Variants in ARHGAP24 observed in about 807,000 individuals in gnomAD.
The protein encoded by ARHGAP24 is Rho GTPase activating protein 24.
A neutral mutation model predicts 76.4 loss-of-function variants in ARHGAP24; 50 were observed. That is an observed-to-expected ratio of 0.65 (90% CI 0.52 to 0.83). ARHGAP24 has a LOEUF of 0.83. ARHGAP24 is among the 40% of genes least tolerant of loss of function. The probability of loss-of-function intolerance (pLI) is 0.00; values close to 1 mark genes in which losing one functional copy is unlikely to be tolerated. For missense variants in ARHGAP24, 930 were observed against 914.2 expected, an observed-to-expected ratio of 1.02 and a Z score of -0.22; for synonymous variants, 345 against 323.3, an observed-to-expected ratio of 1.07 and a Z score of -0.72.
intron 2 of ARHGAP24, among the ~76,000 whole-genome samples, chr4:85,622,948 GT>G (rs1369668482): frequency 2.6e-5 from 4 of 151,832 alleles, no homozygotes; most frequent in East Asian, 3.9e-4. Flanking sequence ...GGGGTTGTTT[GT>G]TTTTTTCTTG....
chr4:85,883,107 GGGA>G (rs886432626), intron 3 of ARHGAP24, among the ~76,000 whole-genome samples: 1 of 152,110 alleles, frequency 6.6e-6, no homozygotes, highest in Non-Finnish European at 1.5e-5. Context: ...AAACAAGGCA[GGGA>G]GGAGAACTGT....
intron 2 of ARHGAP24, among the ~76,000 whole-genome samples, chr4:85,626,812 T>C (rs4693726): frequency 0.33 from 49,985 of 151,954 alleles, 9,269 homozygotes; most frequent in East Asian, 0.84. Flanking sequence ...TCTTCTCACT[T>C]CATTTCATTC....
intron 3 of ARHGAP24, among the ~76,000 whole-genome samples, chr4:85,849,355 G>A (rs1409545911): frequency 7.2e-5 from 11 of 151,848 alleles, no homozygotes; most frequent in Admixed American, 1.3e-4. Flanking sequence ...GGGCTGAGAC[G>A]ATGGGTTTTT....
rs1485601608 is a variant in ARHGAP24 at position 85,923,426 on chromosome 4, AG to A, written c.269-221del. On this transcript the variant is annotated intron_variant, in intron 3 of 9. Transcript: ENST00000395184. ...AGGACAAAAAACCCAGGCTTTGTTT[AG>A]AAAATGACATTTGTTCTCCAGCTTT... Among the ~76,000 whole-genome samples the A allele has an allele frequency of 6.6e-5, 10 of 152,340 alleles. 1 individual carries two copies. The South Asian group carries it at 2.1e-3, about 32-fold the overall frequency.
At chr4:85,594,859 T>G (rs1728252420) in intron 2 of ARHGAP24, among the ~76,000 whole-genome samples, 1 of 152,022 alleles carries the variant, frequency 6.6e-6, no homozygotes, top group Non-Finnish European at 1.5e-5. Flanking sequence ...AAAAAGAGAC[T>G]AGACAAAACC....
chr4:85,908,963 G>A (rs552060437), intron 3 of ARHGAP24, among the ~76,000 whole-genome samples: 1 of 152,178 alleles, frequency 6.6e-6, no homozygotes, highest in African/African-American at 2.4e-5. Flanking sequence ...TATGCTTTAG[G>A]TCTAGCTTGT....
rs375543463 is a variant in ARHGAP24 at position 85,650,128 on chromosome 4, A to T, written c.181-71757A>T. On this transcript the variant is annotated intron_variant, in intron 2 of 9. Transcript: ENST00000395184. The stretch of plus-strand genomic sequence containing the variant: ...TTAAGAAGTACATGGTCGCTCCATA[A>T]ATGCTATCCAGCATTGATTTGAGAA... Among the ~76,000 whole-genome samples the T allele has an allele frequency of 2.2e-4, 34 of 152,242 alleles. 1 individual carries two copies. The highest frequency in any genetic ancestry group is 7.5e-4 in the African/African-American group (31 of 41,550).
rs1741005650 is a variant in ARHGAP24 at position 86,001,314 on chromosome 4, G to C, written c.*592G>C. The C allele has an allele frequency of 2.5e-6, 1 of 398,876 alleles. No individual in the cohort carries two copies. The highest frequency in any genetic ancestry group is 4.4e-5 in the Admixed American group (1 of 22,698). The allele number at this position is 398,876 out of a possible 1,614,324, so 24.7% of individuals were successfully genotyped here. A position where few individuals can be genotyped will look rare whatever the true frequency, so the allele number is the denominator to read the frequency against. ...TTATAAAATACAGTCGAATCACCAG[G>C]AACCTTTGAGCTGCTTTTAAAATTC... On this transcript the variant is annotated 3_prime_UTR_variant, in exon 10 of 10. Coordinates refer to ENST00000395184, the MANE Select transcript of ARHGAP24 (RefSeq NM_001025616.3).
intron 5 of ARHGAP24, among the ~76,000 whole-genome samples, chr4:85,971,384 T>C (rs1738971896): frequency 6.6e-6 from 1 of 152,232 alleles, no homozygotes; most frequent in Non-Finnish European, 1.5e-5. Flanking sequence ...TATATTCTCA[T>C]TGTTTTCTTA....
Position 85,570,561 on chromosome 4 carries a change from C to A in ARHGAP24, c.20C>A (p.Ser7Tyr). ...TTGATAATGGAGGAGAACAATGACTCCACGGAGAACCCCCAACAAGGCCAA... is the reference window on the plus strand; with the variant it reads ...TTGATAATGGAGGAGAACAATGACTACACGGAGAACCCCCAACAAGGCCAA... MEENND[S>Y]TENPQQGQGR... The change falls in exon 2 of 10, where the codon TCC becomes TAC. Residue 7 changes from serine (S) to tyrosine (Y), a missense_variant. By Grantham distance (144) the Ser-to-Tyr change is moderately radical. Coordinates refer to ENST00000395184, the MANE Select transcript of ARHGAP24 (RefSeq NM_001025616.3). 8.7e-6 allele frequency: 14 copies of A among 1,613,916 alleles called. No individual in the cohort carries two copies. Among genetic ancestry groups the A allele is most frequent in the Non-Finnish European group, 1.2e-5 (14 of 1,179,994 alleles).
intron 1 of ARHGAP24, among the ~76,000 whole-genome samples, chr4:85,526,711 C>A (rs1725016102): frequency 2.0e-5 from 3 of 151,974 alleles, no homozygotes; most frequent in Non-Finnish European, 4.4e-5. Flanking sequence ...TTTAGTTAGC[C>A]ACTGAAATTC....
intron 3 of ARHGAP24, among the ~76,000 whole-genome samples, chr4:85,900,935 G>T (rs919169659): frequency 6.6e-6 from 1 of 152,160 alleles, no homozygotes; most frequent in Non-Finnish European, 1.5e-5. Flanking sequence ...TAACGTCATG[G>T]CCACACAACT....
In ARHGAP24 at chr4:86,001,797, C is replaced by A. The variant is rs1236659252; in HGVS notation, c.*1075C>A. The A allele has an allele frequency of 5.4e-6, 1 of 183,780 alleles. No homozygotes were observed. Among genetic ancestry groups the A allele is most frequent in the African/African-American group, 2.3e-5 (1 of 42,794 alleles). 11.4% of individuals were successfully genotyped at this position (183,780 alleles called of 1,614,324 possible). A position where few individuals can be genotyped will look rare whatever the true frequency, so the allele number is the denominator to read the frequency against. On this transcript the variant is annotated 3_prime_UTR_variant, in exon 10 of 10. Coordinates refer to ENST00000395184, the MANE Select transcript of ARHGAP24 (RefSeq NM_001025616.3). ...ACTCAGGCTATTGCCATCTGGGATTCTCTCCCTACTACAGCTGGCAAAGTT... is the reference window on the plus strand; with the variant it reads ...ACTCAGGCTATTGCCATCTGGGATTATCTCCCTACTACAGCTGGCAAAGTT...
At chr4:85,935,404 A>G (rs1379359447) in intron 4 of ARHGAP24, among the ~76,000 whole-genome samples, 1 of 152,226 alleles carries the variant, frequency 6.6e-6, no homozygotes, top group Non-Finnish European at 1.5e-5. Context: ...CAAAAGGCTG[A>G]CCACAGGCTC....
chr4:85,973,833 G>T (rs868457272), intron 6 of ARHGAP24, among the ~76,000 whole-genome samples: 234 of 42,664 alleles, frequency 5.5e-3, no homozygotes, highest in African/African-American at 9.9e-3. Flanking sequence ...GCTGCCTATT[G>T]TTTTTTTTTT....
At chr4:85,841,250 T>G (rs1402702015) in intron 3 of ARHGAP24, among the ~76,000 whole-genome samples, 1 of 152,222 alleles carries the variant, frequency 6.6e-6, no homozygotes, top group Non-Finnish European at 1.5e-5. Flanking sequence ...CTCATTCAAG[T>G]GCAGAGCTCA....
intron 3 of ARHGAP24, among the ~76,000 whole-genome samples, chr4:85,775,700 G>A (rs928549352): frequency 5.9e-5 from 9 of 151,912 alleles, no homozygotes; most frequent in African/African-American, 1.7e-4. Flanking sequence ...AAGATAAACT[G>A]AAGCTAAATC....
chr4:85,551,027 T>A (rs1726115258), intron 1 of ARHGAP24, among the ~76,000 whole-genome samples: 1 of 152,166 alleles, frequency 6.6e-6, no homozygotes, highest in East Asian at 1.9e-4. Context: ...TATTTCTTTC[T>A]CTTGCCTGAT....
At chr4:85,917,703 A>G (rs1325126649) in intron 3 of ARHGAP24, among the ~76,000 whole-genome samples, 1 of 152,162 alleles carries the variant, frequency 6.6e-6, no homozygotes, top group African/African-American at 2.4e-5. Flanking sequence ...GGCTGCATAA[A>G]TGTCTTCTTT....
Sources: gnomAD v4.1 joint callset for allele counts (sites outside exome capture counted in the v4.1 genomes callset) on GRCh38, gnomAD v4.1.1 for gene constraint, MANE v1.5 for transcripts, NCBI Gene and HGNC (gene_info 2026-07-23, HGNC 2026-07-21) for gene names.